CCSER1: variants seen among roughly 807,000 people sequenced by gnomAD.
CCSER1 encodes the protein coiled-coil serine rich protein 1.
In CCSER1, 41 loss-of-function variants were observed where a neutral mutation model predicts 82.0. That is an observed-to-expected ratio of 0.50 (90% CI 0.39 to 0.65). The LOEUF is 0.65. CCSER1 is among the 30% of genes least tolerant of loss of function. The probability of loss-of-function intolerance (pLI) is 0.00; values close to 1 mark genes in which losing one functional copy is unlikely to be tolerated. For missense variants in CCSER1, 1,119 were observed against 1,064.2 expected (o/e 1.05, Z -0.72); for synonymous variants, 414 against 383.9 (o/e 1.08, Z -0.92).
At chr4:90,389,858 T>C (rs988249952) in intron 3 of CCSER1, among the ~76,000 whole-genome samples, 1 of 152,176 alleles carries the variant, frequency 6.6e-6, no homozygotes, top group Non-Finnish European at 1.5e-5. Context: ...GATGCAGTCT[T>C]GCTATGTTGC....
chr4:90,715,834 A>T (rs1741537112), intron 6 of CCSER1, among the ~76,000 whole-genome samples: 1 of 152,068 alleles, frequency 6.6e-6, no homozygotes, highest in African/African-American at 2.4e-5. Context: ...CTTTCAGCCC[A>T]GTAATTTCAC....
chr4:90,914,848 A>T (rs1727057913), intron 8 of CCSER1, among the ~76,000 whole-genome samples: 1 of 152,214 alleles, frequency 6.6e-6, no homozygotes, highest in African/African-American at 2.4e-5. Context: ...CCCCAATCCC[A>T]CAGAAATACA....
At chr4:90,844,277 C>G (rs1463016729) in intron 8 of CCSER1, among the ~76,000 whole-genome samples, 1 of 151,970 alleles carries the variant, frequency 6.6e-6, no homozygotes, top group Non-Finnish European at 1.5e-5. Flanking sequence ...TACTAAACTT[C>G]AGAGTTCTTA....
intron 5 of CCSER1, among the ~76,000 whole-genome samples, chr4:90,602,952 G>T (rs1254721758): frequency 1.3e-5 from 2 of 152,152 alleles, no homozygotes; most frequent in Non-Finnish European, 2.9e-5. Flanking sequence ...AGTGCTTCTA[G>T]GGAGGAGAGA....
intron 4 of CCSER1, among the ~76,000 whole-genome samples, chr4:90,442,658 A>G (rs1424160909): frequency 3.9e-5 from 6 of 152,192 alleles, no homozygotes; most frequent in Non-Finnish European, 8.8e-5. Flanking sequence ...GCAAGTTTTG[A>G]CGATGTGCTG....
chr4:90,967,810 A>T (rs868185952), intron 9 of CCSER1, among the ~76,000 whole-genome samples: 2 of 152,098 alleles, frequency 1.3e-5, no homozygotes, highest in Admixed American at 6.5e-5. Flanking sequence ...ACAATCTCCC[A>T]TGGACAAAAG....
chr4:91,057,257 A>G (rs1215582454), intron 9 of CCSER1, among the ~76,000 whole-genome samples: 1 of 152,106 alleles, frequency 6.6e-6, no homozygotes, highest in Non-Finnish European at 1.5e-5. Context: ...GCTGAAATTG[A>G]TGAAAATTCA....
At chr4:91,030,749 A>AG in intron 9 of CCSER1, among the ~76,000 whole-genome samples, 1 of 152,088 alleles carries the variant, frequency 6.6e-6, no homozygotes, top group East Asian at 1.9e-4. Flanking sequence ...TTAAAAAAAA[A>AG]GAACCAAATG....
intron 7 of CCSER1, among the ~76,000 whole-genome samples, chr4:90,728,425 G>A (rs1744079852): frequency 6.6e-6 from 1 of 152,184 alleles, no homozygotes; most frequent in Non-Finnish European, 1.5e-5. Context: ...TTTAGGAATA[G>A]AATTGTGTCT....
At chr4:90,408,278 G>A (rs1182528405) in intron 4 of CCSER1, among the ~76,000 whole-genome samples, 1 of 152,218 alleles carries the variant, frequency 6.6e-6, no homozygotes, top group Non-Finnish European at 1.5e-5. Context: ...CAGCTTTGAA[G>A]AGAGTAGTGA....
chr4:91,301,550 A>G (rs1744668106), intron 10 of CCSER1, among the ~76,000 whole-genome samples: 1 of 150,300 alleles, frequency 6.7e-6, no homozygotes, highest in Non-Finnish European at 1.5e-5. Flanking sequence ...GTATATATAT[A>G]TATATATGTA....
intron 1 of CCSER1, among the ~76,000 whole-genome samples, chr4:90,168,729 G>T (rs1247602499): frequency 2.0e-5 from 3 of 150,526 alleles, no homozygotes; most frequent in Non-Finnish European, 4.4e-5. Flanking sequence ...TTATTAAATA[G>T]GGAATCCTTT....
At chr4:90,688,152 C>T (rs1239464073) in intron 6 of CCSER1, among the ~76,000 whole-genome samples, 3 of 152,118 alleles carry the variant, frequency 2.0e-5, no homozygotes, top group African/African-American at 4.8e-5. Flanking sequence ...ACCTAGGCCA[C>T]GTGTTAAGGA....
chr4:91,388,601 T>C (rs967540899), intron 10 of CCSER1, among the ~76,000 whole-genome samples: 2 of 152,100 alleles, frequency 1.3e-5, no homozygotes, highest in Non-Finnish European at 2.9e-5. Flanking sequence ...GCCATTCTTA[T>C]AGGTGTGTAG....
chr4:91,066,926 A>G (rs1163092963), intron 9 of CCSER1, among the ~76,000 whole-genome samples: 1 of 151,876 alleles, frequency 6.6e-6, no homozygotes, highest in Admixed American at 6.6e-5. Flanking sequence ...AGTACTTTGG[A>G]AGGCTGAGGC....
At chr4:90,399,226 T>G (rs1328043319) in intron 3 of CCSER1, among the ~76,000 whole-genome samples, 1 of 152,154 alleles carries the variant, frequency 6.6e-6, no homozygotes, top group African/African-American at 2.4e-5. Flanking sequence ...CCTGTGCACT[T>G]CAGCACATTA....
chr4:91,457,028 A>T (rs1756218704), intron 10 of CCSER1, among the ~76,000 whole-genome samples: 2 of 152,086 alleles, frequency 1.3e-5, no homozygotes, highest in African/African-American at 2.4e-5. Context: ...AGTAGCTACT[A>T]TGTGCATAGC....
rs769378879 is a variant in CCSER1, at chr4:90,839,075, G to C, written c.2094+23230G>C. The stretch of plus-strand genomic sequence containing the variant: ...AAAGCGGAGCGAGGCGCGCGAGTAC[G>C]AGCGAAGTCTGGTCTGCGCAGTGGC... On this transcript the variant is annotated intron_variant, in intron 8 of 10. Coordinates refer to ENST00000509176, the MANE Select transcript of CCSER1 (RefSeq NM_001145065.2). 8 of 1,580,922 alleles carry C rather than the reference G, an allele frequency of 5.1e-6. No homozygotes were observed. In the East Asian group the frequency reaches 1.3e-4, roughly 27 times the overall value.
At chr4:90,167,615 C>T (rs1048749388) in intron 1 of CCSER1, among the ~76,000 whole-genome samples, 1 of 151,994 alleles carries the variant, frequency 6.6e-6, no homozygotes, top group African/African-American at 2.4e-5. Context: ...CTAATGCTAT[C>T]CCTCCCCCGT....
Sources: allele counts gnomAD v4.1 joint callset (sites outside exome capture counted in the v4.1 genomes callset), GRCh38; gene constraint gnomAD v4.1.1; transcripts MANE v1.5; gene names NCBI Gene and HGNC (gene_info 2026-07-23, HGNC 2026-07-21).